The following WDR91 variants were observed in gnomAD, a reference collection of about 807,000 sequenced individuals.
WDR91 encodes the protein WD repeat-containing protein 91.
Under a neutral mutation model 88.4 loss-of-function variants are expected in WDR91, and 52 were observed. The ratio of observed to expected loss-of-function variants is 0.59; its 90% CI spans 0.47 to 0.74. WDR91 has a LOEUF of 0.74. Among genes scored for constraint, WDR91 ranks in the 30% least tolerant of loss-of-function variants. The pLI is 0.00. For missense variants in WDR91, 824 were observed against 954.5 expected (o/e 0.86, Z 1.80); for synonymous variants, 362 against 389.5 (o/e 0.93, Z 0.83).
At chr7:135,207,972 T>A (rs1411485335) in intron 3 of WDR91, among the ~76,000 whole-genome samples, 1 of 152,178 alleles carries the variant, frequency 6.6e-6, no homozygotes, top group East Asian at 1.9e-4. Flanking sequence ...AACAAGGCAG[T>A]TCTGGCAAGG....
chr7:135,194,122 G>A lies in WDR91; in HGVS notation c.1396-450C>T, dbSNP rs528626470. 2.6e-4 allele frequency among the ~76,000 whole-genome samples: 40 copies of A among 152,188 alleles called. 1 individual carries two copies. In the South Asian group the frequency reaches 3.1e-3, roughly 12 times the overall value. ...AGGGGACAGCTCTGGCTCTGGGTCT[G>A]TAAAGACCTCCAGAAAAAAAAATAA... On this transcript the variant is annotated intron_variant, in intron 9 of 14. Coordinates refer to ENST00000354475, the MANE Select transcript of WDR91 (RefSeq NM_014149.4).
chr7:135,211,381 C>G lies in WDR91; in HGVS notation c.122G>C (p.Arg41Pro). 6.2e-7 allele frequency: 1 copy of G among 1,608,886 alleles called. No individual in the cohort carries two copies. The highest frequency in any genetic ancestry group is 8.5e-7 in the Non-Finnish European group (1 of 1,177,994). ...GCGCCGCTCCCGCCGGCCTCTCACC[C>G]GGAACCCCTTCTCCTTGTCCGCCTT... ...EIKADKEKGF[R>P]VDKIVDQLQQ... The change falls in exon 1 of 15, where the codon CGG becomes CCG. Residue 41 changes from arginine to proline, a missense_variant and splice_region_variant. Physicochemically the swap from Arg to Pro is moderately radical, Grantham distance 103. Transcript: ENST00000354475.
chr7:135,206,869 C>T, intron 4 of WDR91: 1 of 235,486 alleles, frequency 4.2e-6, no homozygotes, highest in Non-Finnish European at 8.4e-6. Flanking sequence ...TCTTTTTCTC[C>T]TTAAAAGTTA....
Position 135,186,324 on chromosome 7 carries a change from G to A in WDR91, c.2080-9C>T. On this transcript the variant is annotated splice_polypyrimidine_tract_variant and intron_variant, in intron 14 of 14. Transcript: ENST00000354475. The stretch of plus-strand genomic sequence containing the variant: ...TTCTCATCGCCACCCAGCTGCAAGA[G>A]GACAGGAAAGAGGAGGAGGTGTCAG... 6.2e-7 allele frequency: 1 copy of A among 1,610,028 alleles called. No individual in the cohort carries two copies. The highest frequency in any genetic ancestry group is 8.5e-7 in the Non-Finnish European group (1 of 1,178,500).
chr7:135,196,238 C>T lies in WDR91; in HGVS notation c.1150G>A (p.Gly384Ser). The change falls in exon 8 of 15, where the codon GGC (glycine) becomes AGC (serine). Residue 384 changes from glycine (G) to serine (S), a missense_variant. Physicochemically the swap from Gly to Ser is moderately conservative, Grantham distance 56 (BLOSUM62 0). Coordinates refer to ENST00000354475, the MANE Select transcript of WDR91 (RefSeq NM_014149.4). This position sits in a 1 kb window ranked among gnomAD's most constrained non-coding sequence, Gnocchi z 4.2. ...GGGCGGACTCCTCCACCCTCAGGGC[C>T]TGCCGAGGATGCCCGAGTCAGTGGC... ...VEPLTRASSAGPEGGGVRPEQ... is the reference protein window; with the variant it reads ...VEPLTRASSASPEGGGVRPEQ... 3.1e-6 allele frequency: 5 copies of T among 1,612,246 alleles called. No homozygotes were observed. Among genetic ancestry groups the T allele is most frequent in the Non-Finnish European group, 4.2e-6 (5 of 1,179,098 alleles).
At chr7:135,209,074 G>A (rs890695689) in intron 2 of WDR91, 76 bp from the exon 3 acceptor site, 1 of 1,302,342 alleles carries the variant, frequency 7.7e-7, no homozygotes, top group Non-Finnish European at 1.1e-6. Context: ...TCATTGCACA[G>A]CAGACAACCT....
In WDR91 at chr7:135,209,631, G is replaced by A. The variant is rs1585444119; in HGVS notation, c.248C>T (p.Thr83Ile). The A allele has an allele frequency of 1.2e-6, 2 of 1,611,058 alleles. No individual in the cohort carries two copies. The highest frequency in any genetic ancestry group is 4.5e-5 in the East Asian group (2 of 44,634). ...CAGGCTGGTTTTCAGCTTGTGGATTGTGGGTCTGTATATATCCTCCAAGCG... is the reference window on the plus strand; with the variant it reads ...CAGGCTGGTTTTCAGCTTGTGGATTATGGGTCTGTATATATCCTCCAAGCG... Reference protein sequence around the residue: ...FSRLEDIYRPTIHKLKTSLFR... With the variant: ...FSRLEDIYRPIIHKLKTSLFR... Residue 83 changes from threonine to isoleucine, a missense_variant, in exon 2 of 15, where the codon ACA becomes ATA. Transcript: ENST00000354475.
Position 135,189,328 on chromosome 7 carries a change from G to A in WDR91, c.1768+16C>T, listed in dbSNP as rs1169975652. On this transcript the variant is annotated intron_variant, in intron 12 of 14. Coordinates refer to ENST00000354475, the MANE Select transcript of WDR91 (RefSeq NM_014149.4). ...ATCTAAGGAGATCAAGGATTGCTAT[G>A]AGCACACTTGCATACCAAACAGCCG... 5.6e-6 allele frequency: 9 copies of A among 1,608,526 alleles called. No homozygotes were observed. The highest frequency in any genetic ancestry group is 6.8e-6 in the Non-Finnish European group (8 of 1,176,268).
chr7:135,208,771 C>T lies in WDR91; in HGVS notation c.511+20G>A. ...GGTGCCTCAGGCTGGGCCTTCAGCC[C>T]CAGGCAACTGAAAGGATATGCATGC... On this transcript the variant is annotated intron_variant, in intron 3 of 14. Coordinates refer to ENST00000354475, the MANE Select transcript of WDR91 (RefSeq NM_014149.4). 3 of 1,560,912 alleles carry T rather than the reference C, an allele frequency of 1.9e-6. No individual in the cohort carries two copies. The highest frequency in any genetic ancestry group is 2.4e-5 in the South Asian group (2 of 82,550).
intron 4 of WDR91, among the ~76,000 whole-genome samples, 191 bp from the exon 5 acceptor site, chr7:135,206,249 A>G (rs1371740886): frequency 6.6e-6 from 1 of 152,220 alleles, no homozygotes; most frequent in African/African-American, 2.4e-5. Flanking sequence ...CAATGAGGTG[A>G]GAAAACCAAA....
chr7:135,198,454 C>CAATTT, intron 6 of WDR91: 1 of 317,136 alleles, frequency 3.2e-6, no homozygotes. Context: ...GGGAAGGAGC[C>CAATTT]AGCACTTACT....
At chr7:135,198,819 G>A (rs1221393920) in intron 6 of WDR91, 3 of 152,140 alleles carry the variant, frequency 2.0e-5, no homozygotes, top group Non-Finnish European at 2.9e-5. Flanking sequence ...AGCAAGAGGG[G>A]ATGAATTTGA....
At position 135,189,419 on chromosome 7, in the gene WDR91, T is replaced by C. The variant is rs759860243; in HGVS notation, c.1693A>G (p.Ile565Val). The C allele has an allele frequency of 5.0e-6, 8 of 1,613,856 alleles. No homozygotes were observed. In the African/African-American group the frequency reaches 9.3e-5, roughly 19 times the overall value. ...QFSLDPEPIA[I>V]NCTAFNHNGN... ...TTGTGATTGAAGGCTGTACAGTTGA[T>C]AGCAATGGGTTCTGGATCCAGGGAG... Residue 565 changes from isoleucine to valine, a missense_variant, in exon 12 of 15, where the codon ATC becomes GTC. By Grantham distance (29) the Ile-to-Val change is conservative (BLOSUM62 3). Transcript: ENST00000354475.
intron 2 of WDR91, 28 bp downstream of exon 2, chr7:135,209,548 G>A: frequency 1.3e-6 from 2 of 1,504,238 alleles, no homozygotes; most frequent in Non-Finnish European, 1.8e-6. Flanking sequence ...TCCACCAAGG[G>A]AAGCAGAACC....
chr7:135,186,484 C>T (rs1830947697), intron 14 of WDR91, among the ~76,000 whole-genome samples, 169 bp from the exon 15 acceptor site: 1 of 152,252 alleles, frequency 6.6e-6, no homozygotes, highest in Non-Finnish European at 1.5e-5. Context: ...ACTTTCCCAA[C>T]TACAGCTGGT....
At chr7:135,205,006 G>A (rs1346009995) in intron 5 of WDR91, among the ~76,000 whole-genome samples, 1 of 152,038 alleles carries the variant, frequency 6.6e-6, no homozygotes, top group Non-Finnish European at 1.5e-5. Flanking sequence ...TTCATCTGGT[G>A]CAATACTTGG....
At chr7:135,208,613 A>G (rs147339038) in intron 3 of WDR91, among the ~76,000 whole-genome samples, 178 bp downstream of exon 3, 8 of 152,262 alleles carry the variant, frequency 5.3e-5, no homozygotes, top group Admixed American at 2.0e-4. Context: ...AAGATTTATG[A>G]TTCCCTGGCT....
chr7:135,200,794 T>A (rs988633597), intron 6 of WDR91, among the ~76,000 whole-genome samples: 4 of 152,144 alleles, frequency 2.6e-5, no homozygotes, highest in African/African-American at 9.7e-5. Context: ...GAGACAGACA[T>A]AAGTTGATAC....
intron 1 of WDR91, chr7:135,210,732 TC>T: frequency 1.4e-6 from 1 of 699,016 alleles, no homozygotes; most frequent in Non-Finnish European, 2.6e-6. Context: ...GGAAACCAGA[TC>T]TCCTAACTCC....
Sources: allele counts gnomAD v4.1 joint callset (sites outside exome capture counted in the v4.1 genomes callset), GRCh38; gene constraint gnomAD v4.1.1; non-coding constraint Gnocchi (gnomAD v3.1); transcripts MANE v1.5; gene names NCBI Gene and HGNC (gene_info 2026-07-23, HGNC 2026-07-21).